The following VEZF1 variants were observed in gnomAD, a reference collection of about 807,000 sequenced individuals.
VEZF1 encodes vascular endothelial zinc finger 1, also known as putative transcription factor DB1.
A neutral mutation model predicts 44.1 loss-of-function variants in VEZF1; 5 were observed. That is an observed-to-expected ratio of 0.11 (90% CI 0.06 to 0.24). The LOEUF (loss-of-function observed/expected upper bound fraction) is 0.24. VEZF1 is among the 10% of genes least tolerant of loss of function. VEZF1 has a pLI of 1.00. For missense variants in VEZF1, 358 were observed against 641.8 expected, an observed-to-expected ratio of 0.56 and a Z score of 4.78; for synonymous variants, 236 against 233.1, an observed-to-expected ratio of 1.01 and a Z score of -0.11.
chr17:57,982,602 A>G, intron 2 of VEZF1, 97 bp downstream of exon 2: 1 of 1,216,528 alleles, frequency 8.2e-7, no homozygotes, highest in East Asian at 2.4e-5. Context: ...GTCTGCCCAC[A>G]TCTGTTCTCA....
At chr17:57,977,142 G>T (rs929970039) in intron 5 of VEZF1, among the ~76,000 whole-genome samples, 1 of 151,940 alleles carries the variant, frequency 6.6e-6, no homozygotes, top group Non-Finnish European at 1.5e-5. Context: ...TTGAGATGGG[G>T]GTCTCAATCT....
rs749225073 is a variant in VEZF1 at position 57,979,249 on chromosome 17, C to T, written c.1041G>A (p.Gln347=). The part of the protein sequence containing the change: ...QQQQQQQQQQ[Q]QQQQQQQHVT... Reference sequence around the variant, plus strand: ...CATGTTGTTGTTGTTGTTGTTGCTGCTGCTGCTGCTGCTGCTGCTGCTGCT... The same window carrying T: ...CATGTTGTTGTTGTTGTTGTTGCTGTTGCTGCTGCTGCTGCTGCTGCTGCT... The change falls in exon 5 of 6, where the codon CAG becomes CAA. Residue 347 remains glutamine, a synonymous_variant. Coordinates refer to ENST00000581208, the MANE Select transcript of VEZF1 (RefSeq NM_007146.3). 2.2e-5 allele frequency: 34 copies of T among 1,571,438 alleles called. No homozygotes were observed. The highest frequency in any genetic ancestry group is 2.0e-4 in the African/African-American group (14 of 71,254).
intron 1 of VEZF1, among the ~76,000 whole-genome samples, chr17:57,984,825 C>T (rs2075280863): frequency 6.6e-6 from 1 of 152,170 alleles, no homozygotes; most frequent in African/African-American, 2.4e-5. Flanking sequence ...CCAGAGTTCT[C>T]AGTTTCAATT....
chr17:57,983,952 C>A (rs1276130909), intron 1 of VEZF1, among the ~76,000 whole-genome samples: 2 of 152,150 alleles, frequency 1.3e-5, no homozygotes, highest in Non-Finnish European at 1.5e-5. Flanking sequence ...TAGTCGTTAA[C>A]GTTAAGTTTT....
At position 57,974,612 on chromosome 17, in the gene VEZF1, A is replaced by C. The variant is rs1205676426; in HGVS notation, c.1427T>G (p.Ile476Arg). Residue 476 changes from isoleucine to arginine, a missense_variant, in exon 6 of 6, where the codon ATA becomes AGA. Ile to Arg is a moderately conservative substitution (Grantham distance 97, BLOSUM62 -3). Transcript: ENST00000581208. ...AGATGTGATGGTGACAGGGTGTGCT[A>C]TATTCACTGGGGCAGTGACGGGGGT... ...LPTPVTAPVNIAHPVTITSPM... is the reference protein window; with the variant it reads ...LPTPVTAPVNRAHPVTITSPM... The C allele has an allele frequency of 1.2e-6, 2 of 1,613,968 alleles. No individual in the cohort carries two copies. The highest frequency in any genetic ancestry group is 1.7e-6 in the Non-Finnish European group (2 of 1,180,030).
chr17:57,979,536 C>T (rs914571713), intron 4 of VEZF1, among the ~76,000 whole-genome samples: 9 of 136,238 alleles, frequency 6.6e-5, no homozygotes, highest in Non-Finnish European at 1.4e-4. Context: ...GGACTCTTTG[C>T]TATAAAAAAA....
rs57786397 is a variant in VEZF1 at position 57,979,243 on chromosome 17, TTGCTGCTGCTGCTGC to T, written c.1032_1046del (p.Gln350_Gln354del). The T allele has an allele frequency of 3.1e-3, 4,918 of 1,597,004 alleles. 8 individuals carry two copies. Among genetic ancestry groups the T allele is most frequent in the Non-Finnish European group, 3.5e-3 (4,141 of 1,168,820 alleles). On this transcript the variant is annotated inframe_deletion, in exon 5 of 6. Coordinates refer to ENST00000581208, the MANE Select transcript of VEZF1 (RefSeq NM_007146.3). ...TTGTCACATGTTGTTGTTGTTGTTG[TTGCTGCTGCTGCTGC>T]TGCTGCTGCTGCTGCTGCTGCTGCT...
intron 2 of VEZF1, among the ~76,000 whole-genome samples, chr17:57,982,450 T>G (rs567591119): frequency 6.6e-6 from 1 of 152,208 alleles, no homozygotes; most frequent in East Asian, 1.9e-4. Context: ...ATGTGCCAAA[T>G]GAAAGCCTGA....
chr17:57,974,330 T>C lies in VEZF1; in HGVS notation c.*143A>G, dbSNP rs1029807319. On this transcript the variant is annotated 3_prime_UTR_variant, in exon 6 of 6. Transcript: ENST00000581208. ...CCTACTTTGAATAATCCCAGCCAAA[T>C]TGGAGAAAAATGCTACCACACTCTT... 2.6e-5 allele frequency: 26 copies of C among 987,310 alleles called. No individual in the cohort carries two copies. Among genetic ancestry groups the C allele is most frequent in the Admixed American group, 8.6e-5 (3 of 35,064 alleles). The allele number at this position is 987,310 out of a possible 1,614,324, so 61.2% of individuals were successfully genotyped here. A position where few individuals can be genotyped will look rare whatever the true frequency, so the allele number is the denominator to read the frequency against.
intron 1 of VEZF1, chr17:57,985,147 A>T (rs2075283755): frequency 1.6e-6 from 1 of 630,144 alleles, no homozygotes. Flanking sequence ...AACAGATCAG[A>T]TAATAGGGAA....
rs2075151251 is a variant in VEZF1, at chr17:57,972,943, T to C, written c.*1530A>G. 6.6e-6 allele frequency: 1 copy of C among 152,582 alleles called. No individual in the cohort carries two copies. Among genetic ancestry groups the C allele is most frequent in the South Asian group, 2.1e-4 (1 of 4,830 alleles). The allele number at this position is 152,582 out of a possible 1,614,324, so 9.5% of individuals were successfully genotyped here. A position where few individuals can be genotyped will look rare whatever the true frequency, so the allele number is the denominator to read the frequency against. ...CACAGTAGGGTATAAATGGAAATCA[T>C]CCAGTTTGATAGTCAGTCCTGCAAA... On this transcript the variant is annotated 3_prime_UTR_variant, in exon 6 of 6. Transcript: ENST00000581208.
At chr17:57,986,144 GC>G (rs1487998577) in intron 1 of VEZF1, 1 of 152,044 alleles carries the variant, frequency 6.6e-6, no homozygotes, top group Non-Finnish European at 1.5e-5. Context: ...GATTTTAATA[GC>G]TGAAAAAAAT....
chr17:57,974,482 C>T lies in VEZF1; in HGVS notation c.1557G>A (p.Pro519=), dbSNP rs1455510466. ...GATTTTATAATACTGTTTACCAAGG[C>T]GGTGATGTAGGCAAAGCTTGGGGCA... is the stretch of plus-strand genomic sequence containing the variant. ...PFLPQALPTS[P]PW Residue 519 remains proline (P), a synonymous_variant, in exon 6 of 6, where the codon CCG becomes CCA. Transcript: ENST00000581208. 21 of 1,612,422 alleles carry T rather than the reference C, an allele frequency of 1.3e-5. No homozygotes were observed. The highest frequency in any genetic ancestry group is 1.6e-5 in the Non-Finnish European group (19 of 1,178,612).
chr17:57,978,087 T>G lies in VEZF1; in HGVS notation c.1138+1065A>C, dbSNP rs576512783. On this transcript the variant is annotated intron_variant, in intron 5 of 5. Transcript: ENST00000581208. ...GTGTGGTGGCACACACCTGTCGTCC[T>G]GGCTACCCGGGAGGCTGAGGCACAA... Among the ~76,000 whole-genome samples the G allele has an allele frequency of 5.3e-5, 8 of 151,324 alleles. No homozygotes were observed. In the East Asian group the frequency reaches 1.6e-3, roughly 30 times the overall value.
At chr17:57,981,798 AG>A (rs2075251829) in intron 3 of VEZF1, 74 bp downstream of exon 3, 1 of 1,406,208 alleles carries the variant, frequency 7.1e-7, no homozygotes, top group Non-Finnish European at 1.0e-6. Flanking sequence ...AAGAATGGTG[AG>A]ATTCAACTGG....
chr17:57,987,819 G>C (rs1461363817), intron 1 of VEZF1, among the ~76,000 whole-genome samples: 2 of 151,812 alleles, frequency 1.3e-5, no homozygotes, highest in African/African-American at 2.4e-5. Context: ...GTGTGTGAGT[G>C]TGTGTGTGTG....
intron 4 of VEZF1, among the ~76,000 whole-genome samples, chr17:57,979,514 TAA>T (rs990179436): frequency 4.9e-4 from 50 of 101,608 alleles, no homozygotes; most frequent in African/African-American, 1.8e-3. Flanking sequence ...AAAATCAATA[TAA>T]AAGAGAAAAG....
chr17:57,973,036 C>A lies in VEZF1; in HGVS notation c.*1437G>T, dbSNP rs1003024538. On this transcript the variant is annotated 3_prime_UTR_variant, in exon 6 of 6. Transcript: ENST00000581208. ...TGCAATGATTAAAAAATGAAAAAAACCAAAAACATATTGCAACTTAAAAAA... is the reference window on the plus strand; with the variant it reads ...TGCAATGATTAAAAAATGAAAAAAAACAAAAACATATTGCAACTTAAAAAA... The A allele has an allele frequency of 2.6e-5, 4 of 152,082 alleles. No homozygotes were observed. Among genetic ancestry groups the A allele is most frequent in the African/African-American group, 7.2e-5 (3 of 41,382 alleles). The allele number at this position is 152,082 out of a possible 1,614,324, so 9.4% of individuals were successfully genotyped here.
At chr17:57,987,875 T>G (rs1455254582) in intron 1 of VEZF1, among the ~76,000 whole-genome samples, 1 of 151,460 alleles carries the variant, frequency 6.6e-6, no homozygotes, top group Non-Finnish European at 1.5e-5. Flanking sequence ...CGGCCTGCTA[T>G]CTCCCCCGCA....
Sources: gnomAD v4.1 joint callset for allele counts (sites outside exome capture counted in the v4.1 genomes callset) on GRCh38, gnomAD v4.1.1 for gene constraint, MANE v1.5 for transcripts, NCBI Gene and HGNC (gene_info 2026-07-23, HGNC 2026-07-21) for gene names.